KSR2: variants seen among roughly 807,000 people sequenced by gnomAD.
The protein encoded by KSR2 is kinase suppressor of ras 2.
A neutral mutation model predicts 107.8 loss-of-function variants in KSR2; 25 were observed. The observed-to-expected ratio is 0.23, with a 90% CI of 0.17 to 0.32. KSR2 has a LOEUF of 0.32. KSR2 is among the 10% of genes least tolerant of loss of function. The pLI is 1.00. For missense variants in KSR2, 887 were observed against 1,268.9 expected, an observed-to-expected ratio of 0.70 and a Z score of 4.57; for synonymous variants, 480 against 507.0, an observed-to-expected ratio of 0.95 and a Z score of 0.71.
intron 3 of KSR2, among the ~76,000 whole-genome samples, chr12:117,844,549 G>T (rs1593297165): frequency 1.3e-5 from 2 of 151,858 alleles, no homozygotes; most frequent in African/African-American, 4.8e-5. Context: ...TTGGAACCAG[G>T]ATGACCAACT....
intron 3 of KSR2, among the ~76,000 whole-genome samples, chr12:117,820,401 C>A (rs1027012816): frequency 6.6e-6 from 1 of 152,192 alleles, no homozygotes; most frequent in Non-Finnish European, 1.5e-5. Flanking sequence ...CTTGAACTTG[C>A]TCCAGTGGGT....
intron 3 of KSR2, among the ~76,000 whole-genome samples, chr12:117,815,994 T>A (rs1322927727): frequency 3.9e-5 from 2 of 51,520 alleles, no homozygotes; most frequent in East Asian, 1.4e-3. Flanking sequence ...AAATAAAGTG[T>A]GTGTGTGTGT....
chr12:117,780,685 AT>A (rs1205810513), intron 3 of KSR2, among the ~76,000 whole-genome samples: 1 of 152,230 alleles, frequency 6.6e-6, no homozygotes, highest in Non-Finnish European at 1.5e-5. Flanking sequence ...AATTGTTAAA[AT>A]GGTAAACTTT....
At position 117,761,371 on chromosome 12, in the gene KSR2, T is replaced by C. The variant is rs368855606; in HGVS notation, c.626A>G (p.Tyr209Cys). The C allele has an allele frequency of 9.4e-6, 15 of 1,598,912 alleles. No homozygotes were observed. Among genetic ancestry groups the C allele is most frequent in the Non-Finnish European group, 1.3e-5 (15 of 1,175,546 alleles). ...PRVPSKCVQH[Y>C]CHTSPTPGAP... is the part of the protein sequence containing the mutation. ...CCCGGGAGTGGGGCTGGTGTGACAA[T>C]AGTGCTGGACGCACTTGGACGGGAC... The change falls in exon 4 of 20, where the codon TAT (tyrosine) becomes TGT (cysteine). Residue 209 changes from tyrosine to cysteine, a missense_variant. Around this residue, in one of 8 missense-constraint regions of KSR2, gnomAD observed 399 missense variants for 479.5 expected, o/e 0.83. Transcript: ENST00000339824.
intron 4 of KSR2, among the ~76,000 whole-genome samples, chr12:117,699,709 G>A (rs1886222019): frequency 6.6e-6 from 1 of 152,134 alleles, no homozygotes; most frequent in Non-Finnish European, 1.5e-5. Flanking sequence ...TGAGTAAGTG[G>A]TGAATGAATG....
Position 117,968,611 on chromosome 12 carries a change from AAGG to A in KSR2, c.-359_-357del, listed in dbSNP as rs1355734710. ...GGAGGAGGAGGAAAAAGAAGAGGAG[AAGG>A]AGGAGAGAGAGGAGGAGGGAGAGGA... On this transcript the variant is annotated 5_prime_UTR_variant, in exon 1 of 20. Transcript: ENST00000339824. The A allele has an allele frequency of 9.6e-6, 4 of 416,516 alleles. No homozygotes were observed. The highest frequency in any genetic ancestry group is 1.0e-5 in the Non-Finnish European group (3 of 287,724). The allele number at this position is 416,516 out of a possible 1,614,324, so 25.8% of individuals were successfully genotyped here.
chr12:117,611,418 A>G (rs915676701), intron 5 of KSR2, among the ~76,000 whole-genome samples: 2 of 144,226 alleles, frequency 1.4e-5, no homozygotes, highest in African/African-American at 2.6e-5. Flanking sequence ...AATGTTGTCA[A>G]TACTTGAAAA....
At chr12:117,904,482 C>G (rs563897828) in intron 1 of KSR2, among the ~76,000 whole-genome samples, 1 of 152,096 alleles carries the variant, frequency 6.6e-6, no homozygotes, top group Non-Finnish European at 1.5e-5. Flanking sequence ...TAAATGCAGA[C>G]GGTCGTTAAG....
intron 3 of KSR2, among the ~76,000 whole-genome samples, chr12:117,801,689 A>G (rs1334546974): frequency 3.3e-5 from 5 of 152,098 alleles, no homozygotes; most frequent in African/African-American, 1.2e-4. Context: ...CAAGAGGGAA[A>G]TCTACCCCCA....
chr12:117,505,935 C>T (rs1362082558), intron 14 of KSR2, among the ~76,000 whole-genome samples: 1 of 152,206 alleles, frequency 6.6e-6, no homozygotes, highest in African/African-American at 2.4e-5. Context: ...TTGCACACCT[C>T]TGTTTCAACA....
At chr12:117,578,943 CT>C (rs1879464994) in intron 7 of KSR2, among the ~76,000 whole-genome samples, 175 bp downstream of exon 7, 2 of 152,328 alleles carry the variant, frequency 1.3e-5, no homozygotes, top group Non-Finnish European at 1.5e-5. Context: ...CAGAATTGCT[CT>C]CCCTTGACCC....
chr12:117,607,537 C>T (rs868424929), intron 5 of KSR2, among the ~76,000 whole-genome samples: 7 of 152,234 alleles, frequency 4.6e-5, no homozygotes, highest in African/African-American at 7.2e-5. Context: ...CCTCCATGGG[C>T]CCCCTTTCTC....
chr12:117,684,313 G>A (rs1429597734), intron 4 of KSR2, among the ~76,000 whole-genome samples: 1 of 152,216 alleles, frequency 6.6e-6, no homozygotes, highest in Admixed American at 6.5e-5. Flanking sequence ...GAAGGCAGGG[G>A]TTGTGTTTAA....
intron 14 of KSR2, among the ~76,000 whole-genome samples, chr12:117,513,494 C>A (rs1397313634): frequency 3.9e-5 from 6 of 152,182 alleles, no homozygotes; most frequent in Admixed American, 3.3e-4. Flanking sequence ...TCTCACCACC[C>A]CAGCATCTGC....
chr12:117,915,627 C>T (rs1450896985), intron 1 of KSR2, among the ~76,000 whole-genome samples: 1 of 152,234 alleles, frequency 6.6e-6, no homozygotes, highest in East Asian at 1.9e-4. Context: ...CAGGAAATCC[C>T]GGGAAAACAG....
At chr12:117,545,793 C>T (rs1195821984) in intron 9 of KSR2, among the ~76,000 whole-genome samples, 1 of 152,018 alleles carries the variant, frequency 6.6e-6, no homozygotes, top group Non-Finnish European at 1.5e-5. Context: ...TTGAGTGTAT[C>T]TCTTTGTATA....
chr12:117,577,412 A>G (rs1349340400), intron 7 of KSR2, among the ~76,000 whole-genome samples: 2 of 152,172 alleles, frequency 1.3e-5, no homozygotes, highest in African/African-American at 4.8e-5. Context: ...GCAATTTCTT[A>G]CAAAGGACTG....
intron 1 of KSR2, among the ~76,000 whole-genome samples, chr12:117,902,212 AC>A (rs1490438100): frequency 6.6e-6 from 1 of 152,194 alleles, no homozygotes; most frequent in Non-Finnish European, 1.5e-5. Flanking sequence ...TAATCCCAGA[AC>A]TTTGGGAGGC....
chr12:117,918,709 ATCCAG>A (rs1895254802), intron 1 of KSR2, among the ~76,000 whole-genome samples: 1 of 151,852 alleles, frequency 6.6e-6, no homozygotes, highest in African/African-American at 2.4e-5. Flanking sequence ...ATTCGCTTGA[ATCCAG>A]GAGGCAGAGG....
Sources: allele counts gnomAD v4.1 joint callset (sites outside exome capture counted in the v4.1 genomes callset), GRCh38; gene constraint gnomAD v4.1.1; regional missense constraint gnomAD v4.1.1; transcripts MANE v1.5; gene names NCBI Gene and HGNC (gene_info 2026-07-23, HGNC 2026-07-21).